The following TRHDE variants were observed in gnomAD, a reference collection of about 807,000 sequenced individuals.
TRHDE encodes thyrotropin releasing hormone degrading enzyme, also known as thyrotropin-releasing hormone-degrading ectoenzyme.
In TRHDE, 72 loss-of-function variants were observed where a neutral mutation model predicts 125.7. The ratio of observed to expected loss-of-function variants is 0.57; its 90% CI spans 0.47 to 0.70. The LOEUF (loss-of-function observed/expected upper bound fraction) is 0.70, where lower values mean the gene tolerates loss of function less well. TRHDE is among the 30% of genes least tolerant of loss of function. The pLI is 0.00. For missense variants in TRHDE, 1,110 were observed against 1,327.1 expected, an observed-to-expected ratio of 0.84 and a Z score of 2.54; for synonymous variants, 509 against 509.1, an observed-to-expected ratio of 1.00 and a Z score of 0.00.
chr12:72,431,824 A>G (rs11179201), intron 3 of TRHDE: 18,800 of 152,852 alleles, frequency 0.12, 1,609 homozygotes, highest in East Asian at 0.48. Context: ...AAGCTCCAAT[A>G]GCTGCTCTCA....
At chr12:72,492,051 T>A (rs1388144984) in intron 5 of TRHDE, among the ~76,000 whole-genome samples, 1 of 152,000 alleles carries the variant, frequency 6.6e-6, no homozygotes, top group Non-Finnish European at 1.5e-5. Context: ...TTCAAAAATA[T>A]CTTCTGTATG....
At chr12:72,417,659 A>C (rs1204870638) in intron 3 of TRHDE, among the ~76,000 whole-genome samples, 1 of 152,000 alleles carries the variant, frequency 6.6e-6, no homozygotes, top group Non-Finnish European at 1.5e-5. Flanking sequence ...CCCCCAAATC[A>C]CTGAGCTGTG....
chr12:72,640,226 G>A (rs533178137), intron 15 of TRHDE, among the ~76,000 whole-genome samples: 3 of 152,300 alleles, frequency 2.0e-5, no homozygotes, highest in South Asian at 2.1e-4. Flanking sequence ...TTTTAAGCCC[G>A]TCGGAAAAGC....
chr12:72,533,723 G>GTTTTTTTTTTTTTTTTTTTTTTTT, intron 6 of TRHDE, among the ~76,000 whole-genome samples: 11 of 97,896 alleles, frequency 1.1e-4, no homozygotes, highest in Non-Finnish European at 2.5e-4. Context: ...TTTTCTATTT[G>GTTTTTTTTTTTTTTTTTTTTTTTT]TTTTTTTTTT....
intron 2 of TRHDE, among the ~76,000 whole-genome samples, chr12:72,238,311 T>TACACATA (rs1188300037): frequency 1.2e-4 from 4 of 32,584 alleles, no homozygotes; most frequent in African/African-American, 4.5e-4. Context: ...TATATATATA[T>TACACATA]ATATATATAT....
chr12:72,268,588 T>A (rs985144667), upstream of TRHDE, among the ~76,000 whole-genome samples: 1 of 152,060 alleles, frequency 6.6e-6, no homozygotes, highest in Admixed American at 6.5e-5. Flanking sequence ...GGACATGAGG[T>A]TTTACTCACA....
intron 2 of TRHDE, among the ~76,000 whole-genome samples, chr12:72,187,301 G>C (rs1877236633): frequency 7.0e-6 from 1 of 142,336 alleles, no homozygotes; most frequent in African/African-American, 2.7e-5. Flanking sequence ...GGGTTCTTCA[G>C]AGAAACACAA....
intron 12 of TRHDE, among the ~76,000 whole-genome samples, chr12:72,613,221 G>C (rs61933807): frequency 6.6e-6 from 1 of 152,256 alleles, no homozygotes; most frequent in East Asian, 1.9e-4. Flanking sequence ...AGAGCTGTTT[G>C]TATAATGCCT....
intron 2 of TRHDE, among the ~76,000 whole-genome samples, chr12:72,164,994 A>G (rs570522010): frequency 1.3e-5 from 2 of 152,340 alleles, no homozygotes; most frequent in African/African-American, 4.8e-5. Context: ...TACAGCTGAC[A>G]TAAATGTTTA....
chr12:72,266,231 T>C (rs1354389777), intron 2 of TRHDE, among the ~76,000 whole-genome samples: 1 of 152,016 alleles, frequency 6.6e-6, no homozygotes, highest in Non-Finnish European at 1.5e-5. Flanking sequence ...CTGTGTGACT[T>C]TACATTAATA....
chr12:72,567,916 T>C (rs1870527962), intron 9 of TRHDE, among the ~76,000 whole-genome samples: 1 of 152,074 alleles, frequency 6.6e-6, no homozygotes, highest in Non-Finnish European at 1.5e-5. Context: ...TTTTTAATAG[T>C]TGAGTTTCAT....
chr12:72,538,441 A>T (rs1868977217), intron 6 of TRHDE, among the ~76,000 whole-genome samples: 1 of 152,020 alleles, frequency 6.6e-6, no homozygotes, highest in Non-Finnish European at 1.5e-5. Flanking sequence ...AGCGCCTGTT[A>T]CAAGCACTGA....
rs374270801 is a variant in TRHDE at position 72,619,920 on chromosome 12, G to C, written c.2469+882G>C. On this transcript the variant is annotated intron_variant, in intron 13 of 18. Transcript: ENST00000261180. ...GCCATCTGATTTCTGATGCCCATCA[G>C]AATTCCTTCCTTTTTATTTTTACTT... is the stretch of plus-strand genomic sequence containing the variant. 3.0e-4 allele frequency among the ~76,000 whole-genome samples: 46 copies of C among 152,096 alleles called. 1 individual carries two copies. The South Asian group carries it at 8.7e-3, about 29-fold the overall frequency.
chr12:72,379,298 T>C (rs976645254), intron 3 of TRHDE, among the ~76,000 whole-genome samples: 1 of 152,244 alleles, frequency 6.6e-6, no homozygotes, highest in Non-Finnish European at 1.5e-5. Flanking sequence ...CTGAAATCTT[T>C]TTGAAATATG....
At chr12:72,140,054 G>A (rs1364476134) in intron 2 of TRHDE, 15 of 152,302 alleles carry the variant, frequency 9.8e-5, no homozygotes, top group Middle Eastern at 6.8e-3. Flanking sequence ...ATTTTGAAAC[G>A]GCGTTGCAAA....
intron 10 of TRHDE, among the ~76,000 whole-genome samples, chr12:72,574,845 T>TAAA (rs1870915375): frequency 1.3e-5 from 2 of 152,098 alleles, no homozygotes; most frequent in Non-Finnish European, 2.9e-5. Context: ...TCTATTGTTT[T>TAAA]AATATTTTCT....
chr12:72,402,144 G>C (rs905544642), intron 3 of TRHDE, among the ~76,000 whole-genome samples: 27 of 152,076 alleles, frequency 1.8e-4, no homozygotes, highest in African/African-American at 3.6e-4. Context: ...GGTTTCTTTT[G>C]AGGGCTGTGA....
intron 1 of TRHDE, among the ~76,000 whole-genome samples, chr12:72,096,134 T>TACACACACACACACACACACACAC (rs144560604): frequency 1.0e-4 from 15 of 145,100 alleles, no homozygotes; most frequent in African/African-American, 2.3e-4. Context: ...CTTATGTGTA[T>TACACACACACACACACACACACAC]ACACACACAC....
chr12:72,472,981 T>G (rs2135901793), intron 4 of TRHDE, 86 bp from the exon 5 acceptor site: 23 of 1,037,912 alleles, frequency 2.2e-5, no homozygotes. Flanking sequence ...GTTATAATAA[T>G]CATAGTTTAA....
Sources: gnomAD v4.1 joint callset for allele counts (sites outside exome capture counted in the v4.1 genomes callset) on GRCh38, gnomAD v4.1.1 for gene constraint, MANE v1.5 for transcripts, NCBI Gene and HGNC (gene_info 2026-07-23, HGNC 2026-07-21) for gene names.